KCNA4: variants seen among roughly 807,000 people sequenced by gnomAD.
KCNA4 encodes potassium voltage-gated channel subfamily A member 4.
Under a neutral mutation model 37.2 loss-of-function variants are expected in KCNA4, and 5 were observed. The observed-to-expected ratio is 0.13, with a 90% CI of 0.07 to 0.28. KCNA4 has a LOEUF of 0.28. Ranked by LOEUF, KCNA4 falls within the 10% of genes least tolerant of loss-of-function variation. KCNA4 has a pLI of 1.00. For synonymous variants in KCNA4, 350 were observed against 311.8 expected (o/e 1.12, Z -1.29); for missense variants, 634 against 817.4 (o/e 0.78, Z 2.74).
chr11:30,011,460 T>C lies in KCNA4; in HGVS notation c.1219A>G (p.Ile407Val), dbSNP rs1238389136. ...TAAGGCAAAATGGAGACAATGTCAA[T>C]GATGTTCATGATGTTTTTGAAGAAG... ...ALFFKNIMNIIDIVSILPYFI... is the reference protein window; with the variant it reads ...ALFFKNIMNIVDIVSILPYFI... Residue 407 changes from isoleucine (I) to valine (V), a missense_variant, in exon 2 of 2, where the codon ATT becomes GTT. By Grantham distance (29) the Ile-to-Val change is conservative (BLOSUM62 3). This residue lies in a region of KCNA4 where 252 missense variants were observed against 344.2 expected (regional missense o/e 0.73). Transcript: ENST00000328224. The surrounding 1 kb of genome is among the most constrained non-coding windows in gnomAD (Gnocchi z 5.6). The C allele has an allele frequency of 1.2e-6, 2 of 1,614,100 alleles. No homozygotes were observed. Among genetic ancestry groups the C allele is most frequent in the Admixed American group, 1.7e-5 (1 of 60,014 alleles).
At chr11:30,013,704 C>T (rs1426277567) in intron 1 of KCNA4, among the ~76,000 whole-genome samples, 1 of 152,046 alleles carries the variant, frequency 6.6e-6, no homozygotes, top group Admixed American at 6.5e-5. Context: ...AATTATTTTT[C>T]CTCTCTCCAC....
intron 1 of KCNA4, among the ~76,000 whole-genome samples, chr11:30,014,880 A>G (rs1850337667): frequency 1.3e-5 from 2 of 152,096 alleles, no homozygotes. Flanking sequence ...ACCAGCTTCT[A>G]TTACTGGAAG....
chr11:30,013,441 A>AT lies in KCNA4; in HGVS notation c.-764dup, dbSNP rs1850325022. ...TGCAGAGCATTCTTCAGCCAAAATC[A>AT]TGCAGAAGAAGCACTTCACCTGAAA... On this transcript the variant is annotated 5_prime_UTR_variant, in exon 2 of 2. In the 5' UTR this introduces an upstream ATG that the reference lacks. Coordinates refer to ENST00000328224, the MANE Select transcript of KCNA4 (RefSeq NM_002233.4). The AT allele has an allele frequency of 6.0e-6, 1 of 166,690 alleles. No homozygotes were observed. The highest frequency in any genetic ancestry group is 1.5e-5 in the Non-Finnish European group (1 of 68,142). The allele number at this position is 166,690 out of a possible 1,614,324, so 10.3% of individuals were successfully genotyped here. A position where few individuals can be genotyped will look rare whatever the true frequency, so the allele number is the denominator to read the frequency against.
In KCNA4 at chr11:30,010,910, G is replaced by A; in HGVS notation, c.1769C>T (p.Pro590Leu). 1 of 1,614,176 alleles carries A rather than the reference G, an allele frequency of 6.2e-7. No homozygotes were observed. Among genetic ancestry groups the A allele is most frequent in the African/African-American group, 1.3e-5 (1 of 75,040 alleles). ...TQNAVSCPYL[P>L]SNLLKKFRSS... ...CCGAAATTTCTTGAGCAAATTAGAG[G>A]GGAGGTATGGACAACTGACTGCATT... Residue 590 changes from proline (P) to leucine (L), a missense_variant, in exon 2 of 2, where the codon CCC becomes CTC. Pro to Leu is a moderately conservative substitution (Grantham distance 98). Around this residue, in one of 8 missense-constraint regions of KCNA4, gnomAD observed 91 missense variants for 95.8 expected, o/e 0.95. Transcript: ENST00000328224.
At position 30,012,671 on chromosome 11, in the gene KCNA4, A is replaced by G. The variant is rs764691618; in HGVS notation, c.8T>C (p.Val3Ala). 3.0e-5 allele frequency: 46 copies of G among 1,540,650 alleles called. No homozygotes were observed. The highest frequency in any genetic ancestry group is 3.8e-5 in the Non-Finnish European group (43 of 1,141,958). ...TGAGCTCTCCGCACTCACCATTGCA[A>G]CCTCCATGGTGGTGGTTTTCGGAAA... ME[V>A]AMVSAESSGC... The change falls in exon 2 of 2, where the codon GTT becomes GCT. Residue 3 changes from valine to alanine, a missense_variant. Val to Ala is a moderately conservative substitution (Grantham distance 64). This residue lies in a region of KCNA4 where 236 missense variants were observed against 229.5 expected (regional missense o/e 1.03). Transcript: ENST00000328224.
chr11:30,013,518 G>A (rs573973156), intron 1 of KCNA4, 58 bp from the exon 2 acceptor site: 1 of 157,844 alleles, frequency 6.3e-6, no homozygotes, highest in East Asian at 1.9e-4. Flanking sequence ...AAATCATAAA[G>A]AGCAAACTGA....
chr11:30,011,635 A>G lies in KCNA4; in HGVS notation c.1044T>C (p.Gly348=), dbSNP rs1401209903. ...GTGCTGAAGTATCATTCAACAACCC[A>G]CCATGCCCGCCAGCACTCAGTGCCA... is the stretch of plus-strand genomic sequence containing the variant. The part of the protein sequence containing the change: ...LVMALSAGGH[G]GLLNDTSAPH... Residue 348 remains glycine (G), a synonymous_variant, in exon 2 of 2, where the codon GGT becomes GGC. Coordinates refer to ENST00000328224, the MANE Select transcript of KCNA4 (RefSeq NM_002233.4). This position sits in a 1 kb window ranked among gnomAD's most constrained non-coding sequence, Gnocchi z 5.6. The G allele has an allele frequency of 6.2e-7, 1 of 1,613,922 alleles. No individual in the cohort carries two copies. Among genetic ancestry groups the G allele is most frequent in the South Asian group, 1.1e-5 (1 of 91,072 alleles).
Position 30,013,053 on chromosome 11 carries a change from G to A in KCNA4, c.-375C>T, listed in dbSNP as rs114096060. The A allele has an allele frequency of 5.2e-3, 989 of 190,502 alleles. 12 individuals are homozygous for A. Among genetic ancestry groups the A allele is most frequent in the Admixed American group, 0.022 (348 of 16,090 alleles). The allele number at this position is 190,502 out of a possible 1,614,324, so 11.8% of individuals were successfully genotyped here. Reference sequence around the variant, plus strand: ...TTGCTGCAAGATTCAAAGGCAGCAAGTGTCTGACAGCCAGAAGTTGTGCCT... The same window carrying A: ...TTGCTGCAAGATTCAAAGGCAGCAAATGTCTGACAGCCAGAAGTTGTGCCT... On this transcript the variant is annotated 5_prime_UTR_variant, in exon 2 of 2. Coordinates refer to ENST00000328224, the MANE Select transcript of KCNA4 (RefSeq NM_002233.4).
Position 30,011,663 on chromosome 11 carries a change from A to T in KCNA4, c.1016T>A (p.Val339Asp). ...ATGCCCGCCAGCACTCAGTGCCATGACGAGATCCCTGTCGTCCCTAAACTC... is the reference window on the plus strand; with the variant it reads ...ATGCCCGCCAGCACTCAGTGCCATGTCGAGATCCCTGTCGTCCCTAAACTC... Reference protein sequence around the residue: ...LPEFRDDRDLVMALSAGGHGG... With the variant: ...LPEFRDDRDLDMALSAGGHGG... Residue 339 changes from valine (V) to aspartate (D), a missense_variant, in exon 2 of 2, where the codon GTC becomes GAC. Coordinates refer to ENST00000328224, the MANE Select transcript of KCNA4 (RefSeq NM_002233.4). The surrounding 1 kb of genome is among the most constrained non-coding windows in gnomAD (Gnocchi z 5.6). 1 of 1,614,102 alleles carries T rather than the reference A, an allele frequency of 6.2e-7. No homozygotes were observed. Among genetic ancestry groups the T allele is most frequent in the Non-Finnish European group, 8.5e-7 (1 of 1,180,012 alleles).
Position 30,012,103 on chromosome 11 carries a change from T to C in KCNA4, c.576A>G (p.Lys192=). Residue 192 remains lysine (K), a synonymous_variant, in exon 2 of 2, where the codon AAA becomes AAG. Transcript: ENST00000328224. ...VSGLRFETQM[K]TLAQFPETLL... Reference sequence around the variant, plus strand: ...AAGTCTCTGGAAACTGGGCCAGAGTTTTCATTTGGGTCTCAAAGCGTAGGC... The same window carrying C: ...AAGTCTCTGGAAACTGGGCCAGAGTCTTCATTTGGGTCTCAAAGCGTAGGC... The C allele has an allele frequency of 1.2e-6, 2 of 1,614,078 alleles. No homozygotes were observed. The highest frequency in any genetic ancestry group is 1.7e-6 in the Non-Finnish European group (2 of 1,179,992).
Position 30,010,591 on chromosome 11 carries a change from A to AGT in KCNA4, c.*125_*126insAC, listed in dbSNP as rs1215811122. 3.0e-6 allele frequency: 4 copies of AGT among 1,345,452 alleles called. No individual in the cohort carries two copies. In the Admixed American group the frequency reaches 1.3e-4, roughly 42 times the overall value. 83.3% of individuals were successfully genotyped at this position (1,345,452 alleles called of 1,614,324 possible). A position where few individuals can be genotyped will look rare whatever the true frequency, so the allele number is the denominator to read the frequency against. The stretch of plus-strand genomic sequence containing the variant: ...GTTTAGTAACAATTATGCCATGTAT[A>AGT]ACCATTAAATAGTGTACTACTGTAT... On this transcript the variant is annotated 3_prime_UTR_variant, in exon 2 of 2. Coordinates refer to ENST00000328224, the MANE Select transcript of KCNA4 (RefSeq NM_002233.4).
rs1177687500 is a variant in KCNA4, at chr11:30,012,299, T to G, written c.380A>C (p.Asp127Ala). The G allele has an allele frequency of 6.2e-7, 1 of 1,613,866 alleles. No individual in the cohort carries two copies. The highest frequency in any genetic ancestry group is 8.5e-7 in the Non-Finnish European group (1 of 1,179,950). ...ILRELSEEEE[D>A]EEEEEEEEEE... ...TTCCTCCTCTTCCTCCTCCTCCTCA[T>G]CTTCCTCCTCCTCACTCAGCTCCCT... The change falls in exon 2 of 2, where the codon GAT becomes GCT. Residue 127 changes from aspartate (D) to alanine (A), a missense_variant. This residue lies in a region of KCNA4 where 236 missense variants were observed against 229.5 expected (regional missense o/e 1.03). Coordinates refer to ENST00000328224, the MANE Select transcript of KCNA4 (RefSeq NM_002233.4).
At chr11:30,015,326 G>C (rs914366745) in intron 1 of KCNA4, among the ~76,000 whole-genome samples, 2 of 152,108 alleles carry the variant, frequency 1.3e-5, no homozygotes, top group Non-Finnish European at 2.9e-5. Flanking sequence ...AGTTTGCTCA[G>C]TTTCTTCCCC....
At chr11:30,015,925 C>A (rs908649175) in intron 1 of KCNA4, among the ~76,000 whole-genome samples, 1 of 152,036 alleles carries the variant, frequency 6.6e-6, no homozygotes, top group Non-Finnish European at 1.5e-5. Context: ...TCCTCTCACC[C>A]CTCCAACAAC....
chr11:30,014,009 T>C (rs1386187444), intron 1 of KCNA4, among the ~76,000 whole-genome samples: 1 of 152,232 alleles, frequency 6.6e-6, no homozygotes, highest in Non-Finnish European at 1.5e-5. Flanking sequence ...TCACCTCATC[T>C]ATAAAGTACA....
chr11:30,010,612 T>G lies in KCNA4; in HGVS notation c.*105A>C. On this transcript the variant is annotated 3_prime_UTR_variant, in exon 2 of 2. Transcript: ENST00000328224. ...GTATAACCATTAAATAGTGTACTAC[T>G]GTATGCATTGGATCATTTGCATATT... 6.8e-7 allele frequency: 1 copy of G among 1,468,706 alleles called. No homozygotes were observed. Among genetic ancestry groups the G allele is most frequent in the Non-Finnish European group, 9.1e-7 (1 of 1,097,432 alleles). The allele number at this position is 1,468,706 out of a possible 1,614,324, so 91.0% of individuals were successfully genotyped here.
chr11:30,016,815 T>A lies in KCNA4; in HGVS notation c.-1026A>T. The A allele has an allele frequency of 2.5e-6, 1 of 392,774 alleles. No individual in the cohort carries two copies. The highest frequency in any genetic ancestry group is 3.6e-5 in the East Asian group (1 of 27,732). The allele number at this position is 392,774 out of a possible 1,614,324, so 24.3% of individuals were successfully genotyped here. On this transcript the variant is annotated 5_prime_UTR_variant, in exon 1 of 2. Transcript: ENST00000328224. Reference sequence around the variant, plus strand: ...GGAGCCTGGGGGTGGGGGTTGGGGCTGCCCCAGAGAAGACCCCAAGACTCC... The same window carrying A: ...GGAGCCTGGGGGTGGGGGTTGGGGCAGCCCCAGAGAAGACCCCAAGACTCC...
In KCNA4 at chr11:30,010,912, G is replaced by C; in HGVS notation, c.1767C>G (p.Leu589=). 1 of 1,614,218 alleles carries C rather than the reference G, an allele frequency of 6.2e-7. No homozygotes were observed. Among genetic ancestry groups the C allele is most frequent in the Non-Finnish European group, 8.5e-7 (1 of 1,180,036 alleles). The change falls in exon 2 of 2, where the codon CTC becomes CTG. Residue 589 remains leucine (L), a synonymous_variant. Coordinates refer to ENST00000328224, the MANE Select transcript of KCNA4 (RefSeq NM_002233.4). ...LTQNAVSCPY[L]PSNLLKKFRS... is the part of the protein sequence containing the mutation. ...GAAATTTCTTGAGCAAATTAGAGGG[G>C]AGGTATGGACAACTGACTGCATTCT...
rs1029444483 is a variant in KCNA4, at chr11:30,010,018, A to G, written c.*699T>C. The G allele has an allele frequency of 6.6e-6, 1 of 152,168 alleles. No homozygotes were observed. The highest frequency in any genetic ancestry group is 1.5e-5 in the Non-Finnish European group (1 of 68,016). 9.4% of individuals were successfully genotyped at this position (152,168 alleles called of 1,614,324 possible). A position where few individuals can be genotyped will look rare whatever the true frequency, so the allele number is the denominator to read the frequency against. On this transcript the variant is annotated 3_prime_UTR_variant, in exon 2 of 2. Coordinates refer to ENST00000328224, the MANE Select transcript of KCNA4 (RefSeq NM_002233.4). The stretch of plus-strand genomic sequence containing the variant: ...GTTACCTGCAAACAAAACTTATTAC[A>G]TATTCTCCAATTTCACTTATTCTAT...
Sources: gnomAD v4.1 joint callset for allele counts (sites outside exome capture counted in the v4.1 genomes callset) on GRCh38, gnomAD v4.1.1 for gene constraint, gnomAD v4.1.1 regional missense constraint, Gnocchi (gnomAD v3.1) non-coding constraint, MANE v1.5 for transcripts, NCBI Gene and HGNC (gene_info 2026-07-23, HGNC 2026-07-21) for gene names.